The following RDH16 variants were observed in gnomAD, a reference collection of about 807,000 sequenced individuals.
RDH16 encodes the protein retinol dehydrogenase 16.
In RDH16, 25 loss-of-function variants were observed where a neutral mutation model predicts 22.3. The ratio of observed to expected loss-of-function variants is 1.12; its 90% CI spans 0.82 to 1.56. The LOEUF (loss-of-function observed/expected upper bound fraction) is 1.56. Among genes scored for constraint, RDH16 ranks in the 40% most tolerant of loss-of-function variants. The pLI, the probability that RDH16 is intolerant of heterozygous loss-of-function variation, is 0.00. For synonymous variants in RDH16, 154 were observed against 164.4 expected, an observed-to-expected ratio of 0.94 and a Z score of 0.48; for missense variants, 413 against 394.9, an observed-to-expected ratio of 1.05 and a Z score of -0.39.
chr12:56,955,101 G>A lies in RDH16; in HGVS notation c.377C>T (p.Thr126Ile). Residue 126 changes from threonine (T) to isoleucine (I), a missense_variant, in exon 2 of 4, where the codon ACC becomes ATC. Coordinates refer to ENST00000398138, the MANE Select transcript of RDH16 (RefSeq NM_003708.5). ...SLPTAPNELL[T>I]KQDFVTILDV... ...CAGTATGGTCACGAAGTCCTGCTTG[G>A]TGAGCAACTCATTGGGAGCCGTGGG... is the stretch of plus-strand genomic sequence containing the variant. 1 of 1,614,128 alleles carries A rather than the reference G, an allele frequency of 6.2e-7. No individual in the cohort carries two copies. The highest frequency in any genetic ancestry group is 8.5e-7 in the Non-Finnish European group (1 of 1,180,030).
Position 56,952,826 on chromosome 12 carries a change from C to G in RDH16, c.736+1G>C. ...CTCCCCACTGTCCACAGCTTACTCA[C>G]AGTCTGCAACAAACTTCTCGCCATA... On this transcript the variant is annotated splice_donor_variant, in intron 3 of 3. Transcript: ENST00000398138. LOFTEE classifies it high-confidence loss of function. The G allele has an allele frequency of 1.2e-6, 2 of 1,612,128 alleles. No homozygotes were observed. The highest frequency in any genetic ancestry group is 2.2e-5 in the South Asian group (2 of 90,634).
intron 3 of RDH16, 134 bp downstream of exon 3, chr12:56,952,693 G>T: frequency 9.0e-7 from 1 of 1,111,084 alleles, no homozygotes; most frequent in Non-Finnish European, 1.3e-6. Flanking sequence ...TCATGGAAAT[G>T]GGGCTAAAGG....
At chr12:56,956,268 C>T (rs1955928267) in intron 1 of RDH16, among the ~76,000 whole-genome samples, 1 of 152,104 alleles carries the variant, frequency 6.6e-6, no homozygotes, top group South Asian at 2.1e-4. Context: ...TATCCAACCA[C>T]TCAGTATGGA....
chr12:56,955,830 C>T (rs750636252), intron 1 of RDH16, among the ~76,000 whole-genome samples: 1 of 152,148 alleles, frequency 6.6e-6, no homozygotes. Context: ...CCACTCAGTA[C>T]ACAGACTCCA....
intron 3 of RDH16, among the ~76,000 whole-genome samples, chr12:56,952,558 C>T (rs1214789912): frequency 2.0e-5 from 3 of 152,184 alleles, no homozygotes; most frequent in Non-Finnish European, 2.9e-5. Context: ...TGATCAGCCA[C>T]CAATGTCTTC....
chr12:56,955,906 C>T lies in RDH16; in HGVS notation c.314-742G>A, dbSNP rs923977174. 2.0e-5 allele frequency among the ~76,000 whole-genome samples: 3 copies of T among 152,206 alleles called. No individual in the cohort carries two copies. The South Asian group carries it at 6.2e-4, about 32-fold the overall frequency. ...TCAGAAGCCCACTCTTCATCCTTCC[C>T]TTTAGTCCCAAGTTCACCCAGCTCT... On this transcript the variant is annotated intron_variant, in intron 1 of 3. Coordinates refer to ENST00000398138, the MANE Select transcript of RDH16 (RefSeq NM_003708.5).
chr12:56,951,791 A>T lies in RDH16; in HGVS notation c.*238T>A. On this transcript the variant is annotated 3_prime_UTR_variant, in exon 4 of 4. Transcript: ENST00000398138. Reference sequence around the variant, plus strand: ...GAGTGGCCACCCACGGTGACAATGCACCCAGGAGCACTATTTGGTCCCTGT... The same window carrying T: ...GAGTGGCCACCCACGGTGACAATGCTCCCAGGAGCACTATTTGGTCCCTGT... 1 of 552,374 alleles carries T rather than the reference A, an allele frequency of 1.8e-6. No homozygotes were observed. The highest frequency in any genetic ancestry group is 3.3e-6 in the Non-Finnish European group (1 of 307,518). The allele number at this position is 552,374 out of a possible 1,614,324, so 34.2% of individuals were successfully genotyped here. A position where few individuals can be genotyped will look rare whatever the true frequency, so the allele number is the denominator to read the frequency against.
intron 1 of RDH16, among the ~76,000 whole-genome samples, chr12:56,956,111 G>T (rs1238352660): frequency 6.6e-6 from 1 of 152,114 alleles, no homozygotes; most frequent in African/African-American, 2.4e-5. Flanking sequence ...CTCAATAACA[G>T]GCCCTGCCCT....
At chr12:56,954,885 G>T in intron 2 of RDH16, 21 bp downstream of exon 2, 3 of 1,613,180 alleles carry the variant, frequency 1.9e-6, no homozygotes, top group Non-Finnish European at 2.5e-6. Context: ...GACTAGGGTG[G>T]GCCCCATCCC....
At position 56,952,152 on chromosome 12, in the gene RDH16, G is replaced by A. The variant is rs1252629288; in HGVS notation, c.831C>T (p.Pro277=). The part of the protein sequence containing the change: ...CMEHALIACH[P]RTRYSAGWDA... ...CCCAGCCAGCTGAGTAGCGAGTACG[G>A]GGGTGGCAGGCAATCAGCGCATGCT... The change falls in exon 4 of 4, where the codon CCC becomes CCT. Residue 277 remains proline (P), a synonymous_variant. Transcript: ENST00000398138. The A allele has an allele frequency of 6.2e-7, 1 of 1,614,162 alleles. No individual in the cohort carries two copies. The highest frequency in any genetic ancestry group is 1.3e-5 in the African/African-American group (1 of 75,034).
chr12:56,956,291 G>A (rs1955928509), intron 1 of RDH16, among the ~76,000 whole-genome samples: 1 of 152,134 alleles, frequency 6.6e-6, no homozygotes, highest in East Asian at 1.9e-4. Context: ...ACATAGGTAA[G>A]GCTATTGGAA....
chr12:56,957,003 G>C, intron 1 of RDH16, 147 bp downstream of exon 1: 1 of 798,234 alleles, frequency 1.3e-6, no homozygotes, highest in Middle Eastern at 2.4e-4. Context: ...ATGGGGTTCA[G>C]GCAGCCTGTT....
rs1446928398 is a variant in RDH16, at chr12:56,954,948, C to T, written c.530G>A (p.Cys177Tyr). Residue 177 changes from cysteine (C) to tyrosine (Y), a missense_variant, in exon 2 of 4, where the codon TGC becomes TAC. By Grantham distance (194) the Cys-to-Tyr change is radical. Transcript: ENST00000398138. ...GRVSLFGGGY[C>Y]ISKYGVEAFS... The stretch of plus-strand genomic sequence containing the variant: ...GGCTTCCACGCCATACTTGGAGATG[C>T]AGTAGCCTCCACCAAAAAGTGACAC... 1 of 1,614,182 alleles carries T rather than the reference C, an allele frequency of 6.2e-7. No individual in the cohort carries two copies. The highest frequency in any genetic ancestry group is 1.1e-5 in the South Asian group (1 of 91,070).
In RDH16 at chr12:56,952,983, G is replaced by A; in HGVS notation, c.580C>T (p.Leu194Phe). 2 of 1,611,114 alleles carry A rather than the reference G, an allele frequency of 1.2e-6. No individual in the cohort carries two copies. The highest frequency in any genetic ancestry group is 8.5e-7 in the Non-Finnish European group (1 of 1,178,648). ...EAFSDSLRRE[L>F]SYFGVKVAMI... ...GCCACCTTCACCCCAAAGTAGGAGA[G>A]TTCCCTCCTGCAAGACAGAGAAGCA... Residue 194 changes from leucine (L) to phenylalanine (F), a missense_variant, in exon 3 of 4, where the codon CTC becomes TTC. By Grantham distance (22) the Leu-to-Phe change is conservative. Coordinates refer to ENST00000398138, the MANE Select transcript of RDH16 (RefSeq NM_003708.5).
intron 3 of RDH16, among the ~76,000 whole-genome samples, 164 bp downstream of exon 3, chr12:56,952,663 A>G (rs1477938278): frequency 6.6e-6 from 1 of 152,204 alleles, no homozygotes; most frequent in Non-Finnish European, 1.5e-5. Context: ...TTTCATGACC[A>G]GTTGACCACA....
intron 1 of RDH16, 45 bp downstream of exon 1, chr12:56,957,105 C>T (rs1307773022): frequency 5.1e-6 from 8 of 1,559,330 alleles, no homozygotes; most frequent in Non-Finnish European, 5.2e-6. Context: ...GGTCCCTTCA[C>T]ACAGAGGGAA....
chr12:56,954,762 G>A (rs1955911218), intron 2 of RDH16, 144 bp downstream of exon 2: 3 of 906,668 alleles, frequency 3.3e-6, no homozygotes, highest in Middle Eastern at 3.5e-4. Context: ...CCAGAAAGAG[G>A]AAGATGAGGG....
rs2136380444 is a variant in RDH16 at position 56,954,891 on chromosome 12, A to G, written c.572+15T>C. 6.2e-7 allele frequency: 1 copy of G among 1,613,710 alleles called. No individual in the cohort carries two copies. Among genetic ancestry groups the G allele is most frequent in the Non-Finnish European group, 8.5e-7 (1 of 1,179,722 alleles). Reference sequence around the variant, plus strand: ...GAGCAGGAAGACTAGGGTGGGCCCCATCCCAGACCCATACCTGAGGGAGTC... The same window carrying G: ...GAGCAGGAAGACTAGGGTGGGCCCCGTCCCAGACCCATACCTGAGGGAGTC... On this transcript the variant is annotated intron_variant, in intron 2 of 3. Transcript: ENST00000398138.
intron 3 of RDH16, 108 bp from the exon 4 acceptor site, chr12:56,952,354 C>G (rs1158945559): frequency 2.4e-5 from 24 of 1,009,386 alleles, no homozygotes; most frequent in Non-Finnish European, 3.2e-5. Flanking sequence ...CCCCACAACC[C>G]CCAGTCAAGC....
Sources: gnomAD v4.1 joint callset for allele counts (sites outside exome capture counted in the v4.1 genomes callset) on GRCh38, gnomAD v4.1.1 for gene constraint, MANE v1.5 for transcripts, NCBI Gene and HGNC (gene_info 2026-07-23, HGNC 2026-07-21) for gene names.